The following MSRB3 variants were observed in gnomAD, a reference collection of about 807,000 sequenced individuals.
The protein encoded by MSRB3 is methionine sulfoxide reductase B3.
MSRB3 carries 13 observed loss-of-function variants against 21.0 expected under a neutral mutation model. The ratio of observed to expected loss-of-function variants is 0.62; its 90% CI spans 0.40 to 0.98. The LOEUF is 0.98. Ranked by LOEUF, MSRB3 falls within the 50% of genes least tolerant of loss-of-function variation. The pLI, the probability that MSRB3 is intolerant of heterozygous loss-of-function variation, is 0.00. For missense variants in MSRB3, 199 were observed against 230.3 expected, an observed-to-expected ratio of 0.86 and a Z score of 0.88; for synonymous variants, 87 against 88.6, an observed-to-expected ratio of 0.98 and a Z score of 0.10.
chr12:65,391,116 G>A (rs1311017006), intron 5 of MSRB3, among the ~76,000 whole-genome samples: 1 of 152,160 alleles, frequency 6.6e-6, no homozygotes, highest in Non-Finnish European at 1.5e-5. Context: ...GTATTTGAAC[G>A]ATAGGAACAT....
intron 1 of MSRB3, among the ~76,000 whole-genome samples, chr12:65,295,037 C>T (rs2136401455): frequency 6.6e-6 from 1 of 152,286 alleles, no homozygotes; most frequent in African/African-American, 2.4e-5. Context: ...CACTATGTTG[C>T]CCAGACTGGT....
chr12:65,445,986 T>C (rs945985326), intron 5 of MSRB3, among the ~76,000 whole-genome samples: 21 of 152,184 alleles, frequency 1.4e-4, no homozygotes, highest in Non-Finnish European at 2.5e-4. Context: ...CAGGTACCTC[T>C]TAATAAAGCT....
At chr12:65,460,002 A>G (rs961760978) in intron 6 of MSRB3, among the ~76,000 whole-genome samples, 6 of 152,210 alleles carry the variant, frequency 3.9e-5, no homozygotes, top group Admixed American at 1.3e-4. Context: ...CAATCATCTG[A>G]TGCTCTTCAG....
At position 65,396,639 on chromosome 12, in the gene MSRB3, C is replaced by G. The variant is rs187550115; in HGVS notation, c.292+27613C>G. Among the ~76,000 whole-genome samples the G allele has an allele frequency of 5.8e-3, 856 of 147,386 alleles. 12 individuals are homozygous for G. The highest frequency in any genetic ancestry group is 0.021 in the African/African-American group (829 of 39,474). ...CCGGGAAGCAGAGGCTGCAGTGAGC[C>G]AAGATCATGCCATTACACTCCAGCC... On this transcript the variant is annotated intron_variant, in intron 5 of 6. Coordinates refer to ENST00000308259, the MANE Select transcript of MSRB3 (RefSeq NM_001031679.3).
chr12:65,421,939 C>T (rs1019000725), intron 5 of MSRB3, among the ~76,000 whole-genome samples: 2 of 152,092 alleles, frequency 1.3e-5, no homozygotes, highest in Non-Finnish European at 2.9e-5. Context: ...GAATGGCAAG[C>T]TGGATAAAGA....
intron 2 of MSRB3, among the ~76,000 whole-genome samples, chr12:65,322,268 CT>C (rs1475968970): frequency 6.6e-6 from 1 of 152,098 alleles, no homozygotes; most frequent in Non-Finnish European, 1.5e-5. Flanking sequence ...GTGATTATTA[CT>C]TTTTCCCCCT....
chr12:65,398,805 G>A (rs780081708), intron 5 of MSRB3, among the ~76,000 whole-genome samples: 80 of 151,946 alleles, frequency 5.3e-4, no homozygotes, highest in Non-Finnish European at 4.6e-4. Context: ...GGAAGGGTTC[G>A]GTTTCAGTTT....
At chr12:65,322,055 T>G (rs1874703310) in intron 2 of MSRB3, among the ~76,000 whole-genome samples, 1 of 152,136 alleles carries the variant, frequency 6.6e-6, no homozygotes, top group South Asian at 2.1e-4. Context: ...AATATAAAAT[T>G]TATGACTTAA....
At chr12:65,295,159 T>C (rs1378436400) in intron 1 of MSRB3, among the ~76,000 whole-genome samples, 2 of 152,194 alleles carry the variant, frequency 1.3e-5, no homozygotes, top group Non-Finnish European at 2.9e-5. Context: ...TTTTCTTTCA[T>C]AGGGTTTATT....
intron 5 of MSRB3, among the ~76,000 whole-genome samples, chr12:65,431,423 A>G (rs994407780): frequency 9.9e-5 from 15 of 151,826 alleles, no homozygotes; most frequent in African/African-American, 3.6e-4. Context: ...GTTTCTGTCT[A>G]TTTCTGTGAA....
intron 2 of MSRB3, among the ~76,000 whole-genome samples, chr12:65,317,199 T>A (rs778832507): frequency 6.6e-5 from 10 of 152,170 alleles, no homozygotes; most frequent in Non-Finnish European, 1.5e-5. Flanking sequence ...TGAGGGACAC[T>A]AATTCTACTA....
Position 65,402,211 on chromosome 12 carries a change from A to G in MSRB3, c.292+33185A>G, listed in dbSNP as rs554127591. On this transcript the variant is annotated intron_variant, in intron 5 of 6. Transcript: ENST00000308259. ...GATATTTTCCTGAAGAGTGTTTTCCAACTTAGTTCCATTCTCCCCATCACT... is the reference window on the plus strand; with the variant it reads ...GATATTTTCCTGAAGAGTGTTTTCCGACTTAGTTCCATTCTCCCCATCACT... Among the ~76,000 whole-genome samples the G allele has an allele frequency of 7.9e-5, 12 of 152,274 alleles. No individual in the cohort carries two copies. The East Asian group carries it at 2.3e-3, about 29-fold the overall frequency.
chr12:65,411,246 C>A (rs1489872989), intron 5 of MSRB3, among the ~76,000 whole-genome samples: 1 of 152,070 alleles, frequency 6.6e-6, no homozygotes, highest in Admixed American at 6.6e-5. Context: ...GCCATGAAGA[C>A]CTTACTTATT....
chr12:65,446,121 C>T (rs1237404334), intron 5 of MSRB3, among the ~76,000 whole-genome samples: 1 of 152,158 alleles, frequency 6.6e-6, no homozygotes, highest in African/African-American at 2.4e-5. Flanking sequence ...GAAATCATGT[C>T]ATCAGCATAT....
intron 4 of MSRB3, among the ~76,000 whole-genome samples, chr12:65,356,653 A>G (rs1343963312): frequency 6.6e-6 from 1 of 151,920 alleles, no homozygotes; most frequent in Non-Finnish European, 1.5e-5. Context: ...GTTCTATTTT[A>G]AATAGGTGAG....
Position 65,382,187 on chromosome 12 carries a change from A to G in MSRB3, c.292+13161A>G, listed in dbSNP as rs140625794. On this transcript the variant is annotated intron_variant, in intron 5 of 6. Transcript: ENST00000308259. ...GGCTATATGTAGATGGTGAGAGATA[A>G]AAGAGACAAGAAAATTTAATGACAA... 1.2e-4 allele frequency among the ~76,000 whole-genome samples: 19 copies of G among 152,206 alleles called. No homozygotes were observed. The East Asian group carries it at 3.1e-3, about 25-fold the overall frequency.
At chr12:65,418,175 G>A (rs1471732104) in intron 5 of MSRB3, among the ~76,000 whole-genome samples, 2 of 152,150 alleles carry the variant, frequency 1.3e-5, no homozygotes, top group Non-Finnish European at 2.9e-5. Flanking sequence ...CATGATCCTG[G>A]CTCACTGCAG....
intron 5 of MSRB3, among the ~76,000 whole-genome samples, chr12:65,449,817 A>G (rs1483401844): frequency 1.3e-5 from 2 of 152,186 alleles, no homozygotes; most frequent in Admixed American, 6.5e-5. Flanking sequence ...GAATAGGACA[A>G]TGAGGGCCAC....
intron 5 of MSRB3, among the ~76,000 whole-genome samples, chr12:65,440,639 G>A (rs766926361): frequency 3.3e-5 from 5 of 151,800 alleles, no homozygotes; most frequent in Non-Finnish European, 5.9e-5. Context: ...TGCTGACTAA[G>A]GCTTCCAAAC....
Sources: gnomAD v4.1 joint callset for allele counts (sites outside exome capture counted in the v4.1 genomes callset) on GRCh38, gnomAD v4.1.1 for gene constraint, MANE v1.5 for transcripts, NCBI Gene and HGNC (gene_info 2026-07-23, HGNC 2026-07-21) for gene names.